Variants in KCNIP1 observed in about 807,000 individuals in gnomAD.
KCNIP1 encodes the protein potassium voltage-gated channel interacting protein 1.
In KCNIP1, 18 loss-of-function variants were observed where a neutral mutation model predicts 33.0. That is an observed-to-expected ratio of 0.55 (90% CI 0.38 to 0.81). The LOEUF (loss-of-function observed/expected upper bound fraction) is 0.81. Ranked by LOEUF, KCNIP1 falls within the 30% of genes least tolerant of loss-of-function variation. The pLI is 0.00. For missense variants in KCNIP1, 238 were observed against 271.6 expected (o/e 0.88, Z 0.87); for synonymous variants, 93 against 98.3 (o/e 0.95, Z 0.32).
chr5:170,450,429 C>T (rs1451755092), intron 1 of KCNIP1, among the ~76,000 whole-genome samples: 5 of 152,208 alleles, frequency 3.3e-5, no homozygotes, highest in Non-Finnish European at 7.3e-5. Context: ...TGTCTGTCTT[C>T]CTTTCTCACA....
chr5:170,561,211 A>T (rs1335707319), intron 1 of KCNIP1: 6 of 435,260 alleles, frequency 1.4e-5, no homozygotes, highest in Non-Finnish European at 2.8e-5. Context: ...TGACATTTAA[A>T]TGTCAATTAG....
At chr5:170,564,101 A>G (rs769169616) in intron 1 of KCNIP1, among the ~76,000 whole-genome samples, 69 of 152,210 alleles carry the variant, frequency 4.5e-4, no homozygotes, top group Non-Finnish European at 8.8e-4. Context: ...CAGCTATGCA[A>G]TAACAATCTG....
chr5:170,721,990 G>T, intron 4 of KCNIP1, 87 bp downstream of exon 4: 3 of 1,472,534 alleles, frequency 2.0e-6, no homozygotes, highest in Admixed American at 3.6e-5. Context: ...GGAAGGTCTG[G>T]ACCATCAAAA....
intron 1 of KCNIP1, among the ~76,000 whole-genome samples, chr5:170,652,891 C>A (rs1191803425): frequency 6.6e-6 from 1 of 152,216 alleles, no homozygotes. Flanking sequence ...TTCAGCAAAC[C>A]CTGGGTGCAT....
At chr5:170,539,906 G>A (rs935395866) in intron 1 of KCNIP1, among the ~76,000 whole-genome samples, 11 of 152,164 alleles carry the variant, frequency 7.2e-5, no homozygotes, top group East Asian at 3.8e-4. Context: ...TCTCAAGGTC[G>A]CAAATATTAA....
chr5:170,438,848 C>T (rs1431709365), intron 1 of KCNIP1, among the ~76,000 whole-genome samples: 1 of 152,200 alleles, frequency 6.6e-6, no homozygotes, highest in Non-Finnish European at 1.5e-5. Context: ...GCACCCTGTA[C>T]CGAGCGGCAC....
intron 1 of KCNIP1, among the ~76,000 whole-genome samples, chr5:170,661,578 C>T (rs573702525): frequency 1.3e-5 from 2 of 152,216 alleles, no homozygotes; most frequent in East Asian, 3.9e-4. Flanking sequence ...CCCCTGGGGC[C>T]TTCAGCAGCT....
In KCNIP1 at chr5:170,587,536, G is replaced by A. The variant is rs111478187; in HGVS notation, c.61+82903G>A. Among the ~76,000 whole-genome samples, 729 of 151,626 alleles carry A rather than the reference G, an allele frequency of 4.8e-3. 8 individuals carry two copies. Among genetic ancestry groups the A allele is most frequent in the African/African-American group, 0.016 (681 of 41,332 alleles). On this transcript the variant is annotated intron_variant, in intron 1 of 7. Coordinates refer to ENST00000328939, the MANE Select transcript of KCNIP1 (RefSeq NM_014592.4). Reference sequence around the variant, plus strand: ...TCAAATCAAGGTGTTGTAGTGCTGTGTTCCTTCCGGGGGCTCCAGGGGAAA... The same window carrying A: ...TCAAATCAAGGTGTTGTAGTGCTGTATTCCTTCCGGGGGCTCCAGGGGAAA...
At chr5:170,657,700 C>T (rs888095430) in intron 1 of KCNIP1, among the ~76,000 whole-genome samples, 2 of 152,184 alleles carry the variant, frequency 1.3e-5, no homozygotes, top group Non-Finnish European at 2.9e-5. Context: ...CAGACTTTGG[C>T]GCTAGTGCAA....
intron 1 of KCNIP1, among the ~76,000 whole-genome samples, chr5:170,487,297 G>C (rs887641077): frequency 3.7e-4 from 56 of 152,088 alleles, no homozygotes. Context: ...TTTCTTCAAA[G>C]ACTCCTGCTT....
chr5:170,615,057 A>T (rs1759314935), intron 1 of KCNIP1, among the ~76,000 whole-genome samples: 1 of 152,214 alleles, frequency 6.6e-6, no homozygotes, highest in South Asian at 2.1e-4. Flanking sequence ...TTTACTAAAA[A>T]TACAAAAAAT....
chr5:170,496,149 C>G (rs902016711), intron 1 of KCNIP1, among the ~76,000 whole-genome samples: 10 of 152,198 alleles, frequency 6.6e-5, no homozygotes, highest in Admixed American at 3.9e-4. Context: ...GAGGGAAAGA[C>G]CCTGCGTGCA....
intron 1 of KCNIP1, among the ~76,000 whole-genome samples, chr5:170,625,905 C>T (rs1759802122): frequency 6.6e-6 from 1 of 152,182 alleles, no homozygotes; most frequent in African/African-American, 2.4e-5. Flanking sequence ...AAGACAGAGC[C>T]ACTGAGCAGT....
chr5:170,504,736 AC>A lies in KCNIP1; in HGVS notation c.61+104del. On this transcript the variant is annotated intron_variant, in intron 1 of 7. Coordinates refer to ENST00000328939, the MANE Select transcript of KCNIP1 (RefSeq NM_014592.4). This position sits in a 1 kb window ranked among gnomAD's most constrained non-coding sequence, Gnocchi z 6.0. ...TCCCTTAGTCCGGACTCTCCTCTCC[AC>A]GAGGAGCCCGGACAGGTGCTTGTAT... The A allele has an allele frequency of 2.2e-6, 2 of 926,794 alleles. No individual in the cohort carries two copies. The highest frequency in any genetic ancestry group is 3.5e-6 in the Non-Finnish European group (2 of 567,756). 57.4% of individuals were successfully genotyped at this position (926,794 alleles called of 1,614,324 possible). A position where few individuals can be genotyped will look rare whatever the true frequency, so the allele number is the denominator to read the frequency against.
chr5:170,426,247 T>TCACACACACACACACACACACA (rs143211356), intron 1 of KCNIP1, among the ~76,000 whole-genome samples: 100 of 149,266 alleles, frequency 6.7e-4, no homozygotes, highest in Admixed American at 4.8e-3. Flanking sequence ...TCAAAAGGAA[T>TCACACACACACACACACACACA]CACACACACA....
chr5:170,390,538 AT>A (rs1308591694), intron 1 of KCNIP1, among the ~76,000 whole-genome samples: 1 of 131,218 alleles, frequency 7.6e-6, no homozygotes, highest in African/African-American at 3.0e-5. Context: ...ATATATATAT[AT>A]TTTCAACAAA....
At chr5:170,476,268 G>C (rs555133099) in intron 1 of KCNIP1, among the ~76,000 whole-genome samples, 1 of 152,312 alleles carries the variant, frequency 6.6e-6, no homozygotes, top group South Asian at 2.1e-4. Flanking sequence ...ACTGCACCCA[G>C]CCTAAACTTG....
At chr5:170,634,349 C>T (rs868252526) in intron 1 of KCNIP1, among the ~76,000 whole-genome samples, 40 of 152,194 alleles carry the variant, frequency 2.6e-4, no homozygotes, top group Admixed American at 7.2e-4. Context: ...ATGGGTGCCA[C>T]GCCCACCCCT....
At chr5:170,727,948 C>T (rs549864130) in intron 5 of KCNIP1, among the ~76,000 whole-genome samples, 1 of 152,066 alleles carries the variant, frequency 6.6e-6, no homozygotes, top group Non-Finnish European at 1.5e-5. Context: ...CTCAAAAAAG[C>T]AATAAAATAA....
Sources: allele counts gnomAD v4.1 joint callset (sites outside exome capture counted in the v4.1 genomes callset), GRCh38; gene constraint gnomAD v4.1.1; non-coding constraint Gnocchi (gnomAD v3.1); transcripts MANE v1.5; gene names NCBI Gene and HGNC (gene_info 2026-07-23, HGNC 2026-07-21).